Variants in MMACHC observed in about 807,000 individuals in gnomAD.
MMACHC encodes cyanocobalamin reductase / alkylcobalamin dealkylase.
Under a neutral mutation model 17.6 loss-of-function variants are expected in MMACHC, and 14 were observed. The ratio of observed to expected loss-of-function variants is 0.80; its 90% CI spans 0.53 to 1.25. The LOEUF is 1.25. Ranked by LOEUF, MMACHC falls within the 50% of genes most tolerant of loss-of-function variation. MMACHC has a pLI of 0.00. For missense variants in MMACHC, 392 were observed against 364.5 expected, an observed-to-expected ratio of 1.08 and a Z score of -0.62; for synonymous variants, 151 against 142.1, an observed-to-expected ratio of 1.06 and a Z score of -0.45.
In MMACHC at chr1:45,509,592, T is replaced by C. The variant is rs1489644703; in HGVS notation, c.*377T>C. 3.1e-5 allele frequency: 6 copies of C among 193,752 alleles called. No individual in the cohort carries two copies. In the South Asian group the frequency reaches 5.7e-4, roughly 19 times the overall value. 12.0% of individuals were successfully genotyped at this position (193,752 alleles called of 1,614,324 possible). On this transcript the variant is annotated 3_prime_UTR_variant, in exon 4 of 4. Coordinates refer to ENST00000401061, the MANE Select transcript of MMACHC (RefSeq NM_015506.3). ...TACACCTGGCTAATTTTTTGTATTT[T>C]TAGTAGAGATGGGGTTTCATCATAT... is the stretch of plus-strand genomic sequence containing the variant.
chr1:45,509,043 C>A lies in MMACHC; in HGVS notation c.677C>A (p.Pro226Gln). ...SEEQKAYFST[P>Q]PAQRLALLGL... ...GAGCAGAAGGCCTACTTCTCCACTC[C>A]ACCTGCCCAACGATTGGCCCTATTG... is the stretch of plus-strand genomic sequence containing the variant. Residue 226 changes from proline to glutamine, a missense_variant, in exon 4 of 4, where the codon CCA becomes CAA. Transcript: ENST00000401061. The A allele has an allele frequency of 6.2e-7, 1 of 1,614,072 alleles. No homozygotes were observed. The highest frequency in any genetic ancestry group is 8.5e-7 in the Non-Finnish European group (1 of 1,179,968).
rs1488728553 is a variant in MMACHC, at chr1:45,509,368, G to A, written c.*153G>A. ...ACAAGGCTCAAGGAAGTTAGGTTTG[G>A]CCAAGATAAAGGCCAGGGAACCAGA... On this transcript the variant is annotated 3_prime_UTR_variant, in exon 4 of 4. Coordinates refer to ENST00000401061, the MANE Select transcript of MMACHC (RefSeq NM_015506.3). The A allele has an allele frequency of 2.2e-6, 2 of 907,202 alleles. No individual in the cohort carries two copies. Among genetic ancestry groups the A allele is most frequent in the East Asian group, 5.5e-5 (2 of 36,164 alleles). The allele number at this position is 907,202 out of a possible 1,614,324, so 56.2% of individuals were successfully genotyped here. A position where few individuals can be genotyped will look rare whatever the true frequency, so the allele number is the denominator to read the frequency against.
chr1:45,502,573 G>C (rs1198222494), intron 1 of MMACHC, among the ~76,000 whole-genome samples: 1 of 152,088 alleles, frequency 6.6e-6, no homozygotes, highest in Non-Finnish European at 1.5e-5. Context: ...ACACCAGTGA[G>C]TTTATGTGTT....
rs56934185 is a variant in MMACHC, at chr1:45,509,416, G to GTT, written c.*216_*217dup. 2,748 of 389,866 alleles carry GTT rather than the reference G, an allele frequency of 7.0e-3. 11 individuals are homozygous for GTT. The highest frequency in any genetic ancestry group is 0.028 in the East Asian group (439 of 15,722). The allele number at this position is 389,866 out of a possible 1,614,324, so 24.2% of individuals were successfully genotyped here. Reference sequence around the variant, plus strand: ...AGAATTCCCATCTGCCTTCAAATGAGTTTTTTTTTTTTTTTTAGACAGAGT... The same window carrying GTT: ...AGAATTCCCATCTGCCTTCAAATGAGTTTTTTTTTTTTTTTTTTAGACAGAGT... On this transcript the variant is annotated 3_prime_UTR_variant, in exon 4 of 4. Coordinates refer to ENST00000401061, the MANE Select transcript of MMACHC (RefSeq NM_015506.3).
At position 45,510,377 on chromosome 1, in the gene MMACHC, G is replaced by A. The variant is rs1191078510; in HGVS notation, c.*1162G>A. ...TTTTCCCAGCTGACAGCCTCTCTGAGGACAATGACATATGAATGAGGATCA... is the reference window on the plus strand; with the variant it reads ...TTTTCCCAGCTGACAGCCTCTCTGAAGACAATGACATATGAATGAGGATCA... On this transcript the variant is annotated 3_prime_UTR_variant, in exon 4 of 4. Transcript: ENST00000401061. 6.6e-6 allele frequency: 1 copy of A among 152,170 alleles called. No individual in the cohort carries two copies. The highest frequency in any genetic ancestry group is 2.4e-5 in the African/African-American group (1 of 41,426). The allele number at this position is 152,170 out of a possible 1,614,324, so 9.4% of individuals were successfully genotyped here.
Position 45,512,069 on chromosome 1 carries a change from C to CTTTTTT in MMACHC, c.*2876_*2881dup, listed in dbSNP as rs869087041. 3 of 66,922 alleles carry CTTTTTT rather than the reference C, an allele frequency of 4.5e-5. No homozygotes were observed. Among genetic ancestry groups the CTTTTTT allele is most frequent in the African/African-American group, 5.8e-5 (1 of 17,174 alleles). The allele number at this position is 66,922 out of a possible 1,614,324, so 4.1% of individuals were successfully genotyped here. Reference sequence around the variant, plus strand: ...GCAAGGGGACTAATCTCTTATTTTTCTTTTTTTTTTTTTTTTTTTTTTTTT... The same window carrying CTTTTTT: ...GCAAGGGGACTAATCTCTTATTTTTCTTTTTTTTTTTTTTTTTTTTTTTTTTTTTTT... On this transcript the variant is annotated 3_prime_UTR_variant, in exon 4 of 4. Coordinates refer to ENST00000401061, the MANE Select transcript of MMACHC (RefSeq NM_015506.3).
chr1:45,511,842 CA>C lies in MMACHC; in HGVS notation c.*2630del, dbSNP rs1371125033. ...CTTCTCAGCATTCTTCTAACTCTACCAAACTGGATAGCCTGAACCTTATAAA... is the reference window on the plus strand; with the variant it reads ...CTTCTCAGCATTCTTCTAACTCTACCAACTGGATAGCCTGAACCTTATAAA... On this transcript the variant is annotated 3_prime_UTR_variant, in exon 4 of 4. Transcript: ENST00000401061. 6 of 153,590 alleles carry C rather than the reference CA, an allele frequency of 3.9e-5. No individual in the cohort carries two copies. The East Asian group carries it at 1.2e-3, about 30-fold the overall frequency. 9.5% of individuals were successfully genotyped at this position (153,590 alleles called of 1,614,324 possible).
intron 2 of MMACHC, 125 bp from the exon 3 acceptor site, chr1:45,508,087 A>T: frequency 8.3e-7 from 1 of 1,208,430 alleles, no homozygotes; most frequent in Non-Finnish European, 1.2e-6. Context: ...TCCCAAGTTA[A>T]GGTCATGTTT....
In MMACHC at chr1:45,511,179, T is replaced by C. The variant is rs113518520; in HGVS notation, c.*1964T>C. On this transcript the variant is annotated 3_prime_UTR_variant, in exon 4 of 4. Coordinates refer to ENST00000401061, the MANE Select transcript of MMACHC (RefSeq NM_015506.3). ...TACCAAAGGAAGAAAGGCTGGTCTC[T>C]CCACCCCCTGTAGGAAAGGCCTGCC... 8 of 669,014 alleles carry C rather than the reference T, an allele frequency of 1.2e-5. No homozygotes were observed. The African/African-American group carries it at 1.5e-4, about 12-fold the overall frequency. 41.4% of individuals were successfully genotyped at this position (669,014 alleles called of 1,614,324 possible). A position where few individuals can be genotyped will look rare whatever the true frequency, so the allele number is the denominator to read the frequency against.
chr1:45,512,741 T>G lies in MMACHC; in HGVS notation c.*3526T>G, dbSNP rs1416989547. The G allele has an allele frequency of 6.6e-6, 1 of 152,210 alleles. No individual in the cohort carries two copies. Among genetic ancestry groups the G allele is most frequent in the African/African-American group, 2.4e-5 (1 of 41,412 alleles). The allele number at this position is 152,210 out of a possible 1,614,324, so 9.4% of individuals were successfully genotyped here. ...AAGGGCCTACTTTGCCACTGCTGCC[T>G]CCTTCTTAATGCTGAACCTCATCTC... is the stretch of plus-strand genomic sequence containing the variant. On this transcript the variant is annotated 3_prime_UTR_variant, in exon 4 of 4. Coordinates refer to ENST00000401061, the MANE Select transcript of MMACHC (RefSeq NM_015506.3).
At chr1:45,502,524 G>A (rs1055292901) in intron 1 of MMACHC, among the ~76,000 whole-genome samples, 2 of 152,064 alleles carry the variant, frequency 1.3e-5, no homozygotes, top group Admixed American at 6.6e-5. Context: ...TTACAGGCAT[G>A]AGTCACCGCA....
Position 45,507,515 on chromosome 1 carries a change from C to CAGT in MMACHC, c.242_244dup (p.Gln81_Cys82insTer), listed in dbSNP as rs761074140. The CAGT allele has an allele frequency of 6.2e-7, 1 of 1,614,182 alleles. No individual in the cohort carries two copies. ...CCGAATGCTGACTGACCCAGTGGAC[C>CAGT]AGTGTGTGGCCTACCATCTGGGCCG... On this transcript the variant is annotated stop_gained and inframe_insertion, in exon 2 of 4. Coordinates refer to ENST00000401061, the MANE Select transcript of MMACHC (RefSeq NM_015506.3). LOFTEE classifies it high-confidence loss of function.
At chr1:45,505,602 G>T (rs1022924175) in intron 1 of MMACHC, among the ~76,000 whole-genome samples, 8 of 151,008 alleles carry the variant, frequency 5.3e-5, no homozygotes, top group Non-Finnish European at 1.2e-4. Flanking sequence ...CCTAAAAACA[G>T]TATTTTAAGA....
In MMACHC at chr1:45,504,153, C is replaced by T. The variant is rs188612396; in HGVS notation, c.82-3203C>T. Among the ~76,000 whole-genome samples, 485 of 152,294 alleles carry T rather than the reference C, an allele frequency of 3.2e-3. 5 individuals are homozygous for T. The highest frequency in any genetic ancestry group is 5.7e-3 in the Non-Finnish European group (389 of 68,012). On this transcript the variant is annotated intron_variant, in intron 1 of 3. Transcript: ENST00000401061. ...TGCTGGCCGGGCACGGAGACTCAAG[C>T]CTGTAATCCCAGCACTTTAGGGAGG... is the stretch of plus-strand genomic sequence containing the variant.
At position 45,500,426 on chromosome 1, in the gene MMACHC, C is replaced by T. The variant is rs1302063318; in HGVS notation, c.81+13C>T. 17 of 1,613,702 alleles carry T rather than the reference C, an allele frequency of 1.1e-5. No individual in the cohort carries two copies. Among genetic ancestry groups the T allele is most frequent in the Non-Finnish European group, 1.4e-5 (17 of 1,179,694 alleles). On this transcript the variant is annotated intron_variant, in intron 1 of 3. Coordinates refer to ENST00000401061, the MANE Select transcript of MMACHC (RefSeq NM_015506.3). ...TTACCCCTTCCAGGTTAGTTTATCC[C>T]TCCTGCTGTTCTAGGGCGAAATATA...
rs1220982089 is a variant in MMACHC, at chr1:45,512,651, C to T, written c.*3436C>T. 6.6e-6 allele frequency: 1 copy of T among 152,038 alleles called. No individual in the cohort carries two copies. Among genetic ancestry groups the T allele is most frequent in the Non-Finnish European group, 1.5e-5 (1 of 68,028 alleles). 9.4% of individuals were successfully genotyped at this position (152,038 alleles called of 1,614,324 possible). ...CAACAGAGTCTGAAGAAGCAAGCTT[C>T]TGAGTTATGAAAGCCTGGGTTCAGG... On this transcript the variant is annotated 3_prime_UTR_variant, in exon 4 of 4. Transcript: ENST00000401061.
At chr1:45,504,930 AT>A (rs1246573337) in intron 1 of MMACHC, among the ~76,000 whole-genome samples, 2 of 151,878 alleles carry the variant, frequency 1.3e-5, no homozygotes, top group Admixed American at 6.6e-5. Context: ...CCTGGCCAAC[AT>A]GGCAAAACCC....
At position 45,508,921 on chromosome 1, in the gene MMACHC, A is replaced by G; in HGVS notation, c.555A>G (p.Thr185=). 2 of 1,614,176 alleles carry G rather than the reference A, an allele frequency of 1.2e-6. No individual in the cohort carries two copies. The highest frequency in any genetic ancestry group is 1.1e-5 in the South Asian group (1 of 91,082). Residue 185 remains threonine, a synonymous_variant, in exon 4 of 4, where the codon ACA becomes ACG. Coordinates refer to ENST00000401061, the MANE Select transcript of MMACHC (RefSeq NM_015506.3). ...PPRKPHDCVP[T]RADRIALLEG... is the part of the protein sequence containing the mutation. ...GAAAACCTCATGACTGTGTACCTAC[A>G]AGAGCTGACCGTATCGCCCTACTCG...
chr1:45,510,757 TAG>T lies in MMACHC; in HGVS notation c.*1543_*1544del, dbSNP rs1643725944. On this transcript the variant is annotated 3_prime_UTR_variant, in exon 4 of 4. Coordinates refer to ENST00000401061, the MANE Select transcript of MMACHC (RefSeq NM_015506.3). ...TTTGAATAGTGTGTCTAAACAAAAA[TAG>T]GTGTCCAAGTAGTCACACTGAGACT... 6.6e-6 allele frequency: 1 copy of T among 152,200 alleles called. No individual in the cohort carries two copies. The highest frequency in any genetic ancestry group is 1.5e-5 in the Non-Finnish European group (1 of 68,032). 9.4% of individuals were successfully genotyped at this position (152,200 alleles called of 1,614,324 possible). A position where few individuals can be genotyped will look rare whatever the true frequency, so the allele number is the denominator to read the frequency against.
Sources: gnomAD v4.1 joint callset for allele counts (sites outside exome capture counted in the v4.1 genomes callset) on GRCh38, gnomAD v4.1.1 for gene constraint, MANE v1.5 for transcripts, NCBI Gene and HGNC (gene_info 2026-07-23, HGNC 2026-07-21) for gene names.